Variants in PDE4D observed in about 807,000 individuals in gnomAD.
PDE4D encodes 3',5'-cyclic-AMP phosphodiesterase 4D.
A neutral mutation model predicts 87.4 loss-of-function variants in PDE4D; 24 were observed. The ratio of observed to expected loss-of-function variants is 0.27; its 90% CI spans 0.20 to 0.39. The LOEUF is 0.39. Among genes scored for constraint, PDE4D ranks in the 10% least tolerant of loss-of-function variants. PDE4D has a pLI of 1.00. For missense variants in PDE4D, 714 were observed against 1,041.0 expected, an observed-to-expected ratio of 0.69 and a Z score of 4.32; for synonymous variants, 384 against 383.2, an observed-to-expected ratio of 1.00 and a Z score of -0.02.
chr5:59,514,212 T>C (rs1311014220), intron 1 of PDE4D, among the ~76,000 whole-genome samples: 1 of 151,814 alleles, frequency 6.6e-6, no homozygotes, highest in African/African-American at 2.4e-5. Flanking sequence ...TTCACACCAT[T>C]CTCCTGCCTC....
chr5:59,596,010 TTA>T (rs148993212), intron 1 of PDE4D, among the ~76,000 whole-genome samples: 10 of 150,086 alleles, frequency 6.7e-5, no homozygotes, highest in Admixed American at 1.3e-4. Context: ...TTTTTAAAAA[TTA>T]TATATATATA....
intron 1 of PDE4D, among the ~76,000 whole-genome samples, chr5:59,477,403 T>A (rs1322160737): frequency 6.7e-6 from 1 of 149,998 alleles, no homozygotes; most frequent in Non-Finnish European, 1.5e-5. Flanking sequence ...ATATGCTTAC[T>A]TATATACCTA....
chr5:59,893,888 A>G, upstream of PDE4D: 1 of 1,131,422 alleles, frequency 8.8e-7, no homozygotes, highest in Non-Finnish European at 1.1e-6. Flanking sequence ...AGTCACCAAG[A>G]CTAGGGTGCG....
At chr5:60,316,289 C>T (rs1271228750) in intron 1 of PDE4D, among the ~76,000 whole-genome samples, 1 of 152,058 alleles carries the variant, frequency 6.6e-6, no homozygotes, top group Non-Finnish European at 1.5e-5. Flanking sequence ...CTCTGTTTGT[C>T]TGTTATTGGT....
chr5:60,108,348 G>T (rs1471301203), intron 2 of PDE4D, among the ~76,000 whole-genome samples: 3 of 151,634 alleles, frequency 2.0e-5, no homozygotes, highest in East Asian at 1.9e-4. Flanking sequence ...CACTGCTCAA[G>T]GAAATAAAAG....
In PDE4D at chr5:60,088,837, A is replaced by G. The variant is rs189527374; in HGVS notation, c.42+96720T>C. ...CATATCAATAATATTCAAACCTTGA[A>G]TATAAATGAATTATATTCTTCAGTT... is the stretch of plus-strand genomic sequence containing the variant. On this transcript the variant is annotated intron_variant, in intron 2 of 16. Coordinates refer to the PDE4D transcript ENST00000502484. Among the ~76,000 whole-genome samples the G allele has an allele frequency of 4.3e-4, 65 of 152,214 alleles. 1 individual carries two copies. The highest frequency in any genetic ancestry group is 1.5e-3 in the African/African-American group (61 of 41,588).
Position 60,025,752 on chromosome 5 carries a change from A to T in PDE4D, c.43-37035T>A, listed in dbSNP as rs184345536. Among the ~76,000 whole-genome samples the T allele has an allele frequency of 2.7e-3, 410 of 151,986 alleles. 3 individuals are homozygous for T. Among genetic ancestry groups the T allele is most frequent in the African/African-American group, 8.8e-3 (366 of 41,474 alleles). On this transcript the variant is annotated intron_variant, in intron 2 of 16. Transcript: ENST00000502484. ...GTAAGTAACAAAGACATCATGATTT[A>T]AAAAAAACCCTAAATATTAATCACT...
At chr5:60,303,140 C>T (rs982150360) in intron 1 of PDE4D, among the ~76,000 whole-genome samples, 3 of 150,974 alleles carry the variant, frequency 2.0e-5, no homozygotes, top group East Asian at 4.0e-4. Flanking sequence ...AAATTTCCCT[C>T]TTAACACCGC....
intron 1 of PDE4D, among the ~76,000 whole-genome samples, chr5:60,251,800 A>C (rs2149684521): frequency 6.6e-6 from 1 of 152,052 alleles, no homozygotes; most frequent in South Asian, 2.1e-4. Context: ...CGTTAAGTGT[A>C]CAGTGTTTAT....
At chr5:59,675,817 G>T (rs955968481) in intron 1 of PDE4D, among the ~76,000 whole-genome samples, 1 of 152,024 alleles carries the variant, frequency 6.6e-6, no homozygotes, top group East Asian at 1.9e-4. Flanking sequence ...AGCCTCCCAA[G>T]TAGCAGGGAC....
chr5:59,147,896 C>T (rs1778901798), intron 5 of PDE4D, among the ~76,000 whole-genome samples: 1 of 152,118 alleles, frequency 6.6e-6, no homozygotes, highest in South Asian at 2.1e-4. Context: ...TTCCTATTCT[C>T]TAGTCTCTAT....
intron 1 of PDE4D, among the ~76,000 whole-genome samples, chr5:59,287,718 C>CAGAGAGAGAG (rs144084939): frequency 2.0e-5 from 3 of 149,656 alleles, no homozygotes; most frequent in East Asian, 4.0e-4. Context: ...GAGACACACA[C>CAGAGAGAGAG]AGAGAGAGAG....
intron 1 of PDE4D, among the ~76,000 whole-genome samples, chr5:59,868,959 T>C (rs773283897): frequency 5.3e-5 from 8 of 152,236 alleles, no homozygotes. Context: ...TAAGAAAGCA[T>C]CTTTTGTAAG....
intron 5 of PDE4D, among the ~76,000 whole-genome samples, chr5:59,086,251 T>A (rs1045371471): frequency 1.3e-5 from 2 of 152,138 alleles, no homozygotes; most frequent in Non-Finnish European, 2.9e-5. Context: ...CTTGTATAAA[T>A]CTGATGTCAC....
At chr5:58,983,767 C>G (rs1580088357) in intron 11 of PDE4D, among the ~76,000 whole-genome samples, 5 of 152,162 alleles carry the variant, frequency 3.3e-5, no homozygotes. Context: ...TTGTAGAGCC[C>G]CACTCAAAAC....
At chr5:59,968,067 C>T (rs148578361) in intron 3 of PDE4D, among the ~76,000 whole-genome samples, 1 of 148,674 alleles carries the variant, frequency 6.7e-6, no homozygotes, top group Non-Finnish European at 1.5e-5. Context: ...TCACCACAAC[C>T]TCCACCTCCT....
intron 1 of PDE4D, among the ~76,000 whole-genome samples, chr5:60,421,387 ACC>A (rs1743086141): frequency 6.6e-6 from 1 of 152,186 alleles, no homozygotes; most frequent in Non-Finnish European, 1.5e-5. Context: ...CACTGGTGAT[ACC>A]CAGGCAAATA....
At position 59,091,924 on chromosome 5, in the gene PDE4D, T is replaced by G. The variant is rs554268456; in HGVS notation, c.809-52953A>C. ...TGAAAATCACCAGGTGTGTATAACATGAAGCATCTCCTTAAATGACATGCA... is the reference window on the plus strand; with the variant it reads ...TGAAAATCACCAGGTGTGTATAACAGGAAGCATCTCCTTAAATGACATGCA... On this transcript the variant is annotated intron_variant, in intron 5 of 14. Coordinates refer to ENST00000340635, the MANE Select transcript of PDE4D (RefSeq NM_001104631.2). Among the ~76,000 whole-genome samples the G allele has an allele frequency of 3.9e-5, 6 of 152,256 alleles. No individual in the cohort carries two copies. The South Asian group carries it at 1.2e-3, about 32-fold the overall frequency.
intron 2 of PDE4D, among the ~76,000 whole-genome samples, chr5:60,138,012 G>A (rs560768236): frequency 3.3e-5 from 5 of 152,060 alleles, no homozygotes; most frequent in Non-Finnish European, 7.4e-5. Context: ...TGGCTAGCCC[G>A]TTGTCCCAGC....
Sources: gnomAD v4.1 joint callset for allele counts (sites outside exome capture counted in the v4.1 genomes callset) on GRCh38, gnomAD v4.1.1 for gene constraint, MANE v1.5 for transcripts, NCBI Gene and HGNC (gene_info 2026-07-23, HGNC 2026-07-21) for gene names.